Variants in SPAG16 observed in about 807,000 individuals in gnomAD.
SPAG16 encodes sperm associated antigen 16.
In SPAG16, 86 loss-of-function variants were observed where a neutral mutation model predicts 80.4. That is an observed-to-expected ratio of 1.07 (90% CI 0.90 to 1.28). SPAG16 has a LOEUF of 1.28. Ranked by LOEUF, SPAG16 falls within the 50% of genes most tolerant of loss-of-function variation. SPAG16 has a pLI of 0.00. For missense variants in SPAG16, 870 were observed against 765.3 expected, an observed-to-expected ratio of 1.14 and a Z score of -1.61; for synonymous variants, 294 against 265.9, an observed-to-expected ratio of 1.11 and a Z score of -1.03.
At chr2:213,873,253 A>G (rs2076019602) in intron 11 of SPAG16, among the ~76,000 whole-genome samples, 1 of 152,026 alleles carries the variant, frequency 6.6e-6, no homozygotes. Flanking sequence ...TACTCTATCC[A>G]GGTTATCTAA....
intron 14 of SPAG16, among the ~76,000 whole-genome samples, chr2:214,129,972 GC>G (rs2054683623): frequency 6.6e-6 from 1 of 152,068 alleles, no homozygotes. Flanking sequence ...GAAAAGAAGA[GC>G]TTTATTTTCT....
intron 14 of SPAG16, among the ~76,000 whole-genome samples, chr2:214,125,886 T>A: frequency 6.6e-6 from 1 of 151,556 alleles, no homozygotes; most frequent in East Asian, 1.9e-4. Flanking sequence ...ATGCTTAGAT[T>A]TAATGAAGAA....
intron 10 of SPAG16, among the ~76,000 whole-genome samples, chr2:213,576,851 G>A (rs530336476): frequency 6.6e-6 from 1 of 152,236 alleles, no homozygotes; most frequent in South Asian, 2.1e-4. Flanking sequence ...AGGGTGGAGG[G>A]TGGGAGGAAG....
chr2:213,875,256 A>G (rs1343226148), intron 11 of SPAG16, among the ~76,000 whole-genome samples: 1 of 152,080 alleles, frequency 6.6e-6, no homozygotes, highest in Non-Finnish European at 1.5e-5. Flanking sequence ...GGAACTCTAC[A>G]TTTGGAGGGT....
At chr2:213,760,849 A>G (rs1192637778) in intron 10 of SPAG16, among the ~76,000 whole-genome samples, 1 of 152,240 alleles carries the variant, frequency 6.6e-6, no homozygotes, top group Non-Finnish European at 1.5e-5. Flanking sequence ...GGGACATCCT[A>G]TGGCAGAAGG....
rs372673398 is a variant in SPAG16 at position 213,896,592 on chromosome 2, G to GCA, written c.1215-33345_1215-33344dup. Among the ~76,000 whole-genome samples the GCA allele has an allele frequency of 2.1e-3, 234 of 111,920 alleles. 3 individuals are homozygous for GCA. The highest frequency in any genetic ancestry group is 7.0e-3 in the African/African-American group (208 of 29,874). 73.4% of individuals were successfully genotyped at this position (111,920 alleles called of 152,430 possible). ...AAATGTGATATATACACACACACAC[G>GCA]CACACACACACACACACACACACAT... On this transcript the variant is annotated intron_variant, in intron 11 of 15. Transcript: ENST00000331683.
rs184401930 is a variant in SPAG16 at position 213,754,663 on chromosome 2, G to A, written c.1071-107822G>A. ...ATTTTAAAATAAATATGAAACCTAC[G>A]ATAGTCTTACATTAGTCAAAATGAA... On this transcript the variant is annotated intron_variant, in intron 10 of 15. Coordinates refer to ENST00000331683, the MANE Select transcript of SPAG16 (RefSeq NM_024532.5). Among the ~76,000 whole-genome samples the A allele has an allele frequency of 4.6e-4, 23 of 50,010 alleles. No individual in the cohort carries two copies. The East Asian group carries it at 6.5e-3, about 14-fold the overall frequency. The allele number at this position is 50,010 out of a possible 152,430, so 32.8% of individuals were successfully genotyped here. A position where few individuals can be genotyped will look rare whatever the true frequency, so the allele number is the denominator to read the frequency against.
intron 10 of SPAG16, among the ~76,000 whole-genome samples, chr2:213,782,059 C>A (rs1038500022): frequency 1.3e-5 from 2 of 152,102 alleles, no homozygotes; most frequent in Non-Finnish European, 2.9e-5. Context: ...AATTATAGCA[C>A]CTCCATTTAC....
intron 8 of SPAG16, among the ~76,000 whole-genome samples, chr2:213,370,219 T>C (rs2066555964): frequency 6.6e-6 from 1 of 152,180 alleles, no homozygotes; most frequent in Admixed American, 6.5e-5. Context: ...TTATAGTGGA[T>C]CCTACAATAA....
chr2:214,401,171 A>G (rs982402049), intron 15 of SPAG16, among the ~76,000 whole-genome samples: 2 of 151,990 alleles, frequency 1.3e-5, no homozygotes, highest in African/African-American at 2.4e-5. Context: ...ATTAATGCAA[A>G]TCCTCAAAAC....
At chr2:213,755,818 G>A (rs1444974072) in intron 10 of SPAG16, among the ~76,000 whole-genome samples, 1 of 152,148 alleles carries the variant, frequency 6.6e-6, no homozygotes, top group Admixed American at 6.5e-5. Flanking sequence ...GTAACTAATA[G>A]AGAGGAATCT....
chr2:213,904,249 AT>A (rs1559570324), intron 11 of SPAG16, among the ~76,000 whole-genome samples: 1 of 152,196 alleles, frequency 6.6e-6, no homozygotes, highest in African/African-American at 2.4e-5. Flanking sequence ...AAAGCTACTG[AT>A]AAAGACATAC....
At chr2:214,046,480 T>A (rs1456587712) in intron 13 of SPAG16, among the ~76,000 whole-genome samples, 2 of 152,118 alleles carry the variant, frequency 1.3e-5, no homozygotes, top group Non-Finnish European at 2.9e-5. Context: ...AATTAAACAA[T>A]ACCTTAAAAA....
chr2:214,059,520 G>A (rs190756919), intron 13 of SPAG16, among the ~76,000 whole-genome samples: 2 of 151,722 alleles, frequency 1.3e-5, no homozygotes, highest in East Asian at 3.9e-4. Context: ...ACAAGTCTGA[G>A]CCATACCTGG....
chr2:213,341,902 A>G (rs2064704115), intron 6 of SPAG16, among the ~76,000 whole-genome samples: 1 of 152,154 alleles, frequency 6.6e-6, no homozygotes, highest in African/African-American at 2.4e-5. Flanking sequence ...AATTATCTAT[A>G]GCTAATATTA....
chr2:213,458,645 C>T (rs1162121083), intron 9 of SPAG16, among the ~76,000 whole-genome samples: 1 of 151,972 alleles, frequency 6.6e-6, no homozygotes, highest in African/African-American at 2.4e-5. Context: ...TTAAAAATGC[C>T]CTTATCTTCA....
At chr2:213,468,318 TAGTC>T (rs577347985) in intron 9 of SPAG16, among the ~76,000 whole-genome samples, 15 of 150,308 alleles carry the variant, frequency 1.0e-4, no homozygotes, top group Non-Finnish European at 1.6e-4. Flanking sequence ...CATGTTGTAT[TAGTC>T]AGGGCTCTCT....
chr2:214,109,253 A>C (rs2053550307), intron 14 of SPAG16, among the ~76,000 whole-genome samples: 1 of 152,332 alleles, frequency 6.6e-6, no homozygotes, highest in African/African-American at 2.4e-5. Flanking sequence ...GGATTAAGAC[A>C]GTTGCCACGT....
rs1269223522 is a variant in SPAG16, at chr2:213,940,249, T to C, written c.1400+10104T>C. 3.3e-5 allele frequency among the ~76,000 whole-genome samples: 5 copies of C among 152,310 alleles called. No homozygotes were observed. The East Asian group carries it at 5.8e-4, about 18-fold the overall frequency. On this transcript the variant is annotated intron_variant, in intron 12 of 15. Coordinates refer to ENST00000331683, the MANE Select transcript of SPAG16 (RefSeq NM_024532.5). ...TGGTTCCAATTTTAGAGGTGACATATAATTTATTTCATTGCATATTTTTCT... is the reference window on the plus strand; with the variant it reads ...TGGTTCCAATTTTAGAGGTGACATACAATTTATTTCATTGCATATTTTTCT...
Sources: gnomAD v4.1 joint callset for allele counts (sites outside exome capture counted in the v4.1 genomes callset) on GRCh38, gnomAD v4.1.1 for gene constraint, MANE v1.5 for transcripts, NCBI Gene and HGNC (gene_info 2026-07-23, HGNC 2026-07-21) for gene names.